Variants in SPDYE5 observed in about 807,000 individuals in gnomAD.
SPDYE5 encodes speedy/RINGO cell cycle regulator family member E5.
Under a neutral mutation model 48.5 loss-of-function variants are expected in SPDYE5, and 15 were observed. The observed-to-expected ratio is 0.31, with a 90% CI of 0.21 to 0.48. The LOEUF (loss-of-function observed/expected upper bound fraction) is 0.48. Among genes scored for constraint, SPDYE5 ranks in the 20% least tolerant of loss-of-function variants. The pLI, the probability that SPDYE5 is intolerant of heterozygous loss-of-function variation, is 0.99. For synonymous variants in SPDYE5, 116 were observed against 200.7 expected (o/e 0.58, Z 3.57); for missense variants, 331 against 549.1 (o/e 0.60, Z 3.97).
chr7:75,493,591 T>A, intron 1 of SPDYE5, 36 bp from the exon 2 acceptor site: 1 of 1,137,798 alleles, frequency 8.8e-7, no homozygotes, highest in East Asian at 3.5e-5. Context: ...CTGCTTACCC[T>A]AGTTTTCTTT....
Position 75,501,380 on chromosome 7 carries a change from G to A in SPDYE5, c.774G>A (p.Met258Ile). Residue 258 changes from methionine to isoleucine, a missense_variant, in exon 7 of 9, where the codon ATG becomes ATA. Transcript: ENST00000625065. ...FFLALYLAND[M>I]EEDDEDSKQN... Reference sequence around the variant, plus strand: ...TCCTCAGCTACCTGGCCAATGACATGGAGGAGGACGACGAGGACTCCAAAC... The same window carrying A: ...TCCTCAGCTACCTGGCCAATGACATAGAGGAGGACGACGAGGACTCCAAAC... 2 of 1,612,272 alleles carry A rather than the reference G, an allele frequency of 1.2e-6. No individual in the cohort carries two copies. The highest frequency in any genetic ancestry group is 1.7e-6 in the Non-Finnish European group (2 of 1,179,914).
In SPDYE5 at chr7:75,503,016, G is replaced by T; in HGVS notation, c.*229G>T. On this transcript the variant is annotated 3_prime_UTR_variant, in exon 9 of 9. Coordinates refer to ENST00000625065, the MANE Select transcript of SPDYE5 (RefSeq NM_001306141.4). ...TAGGAGCAGGGGTGGGGGGAGGGGG[G>T]TGGGGTCCTTCTAGGAGTCCTTGGA... 1 of 431,576 alleles carries T rather than the reference G, an allele frequency of 2.3e-6. No individual in the cohort carries two copies. Among genetic ancestry groups the T allele is most frequent in the South Asian group, 1.5e-5 (1 of 64,680 alleles). The allele number at this position is 431,576 out of a possible 1,614,324, so 26.7% of individuals were successfully genotyped here. A position where few individuals can be genotyped will look rare whatever the true frequency, so the allele number is the denominator to read the frequency against.
Position 75,494,052 on chromosome 7 carries a change from A to T in SPDYE5, c.5A>T (p.Asp2Val), listed in dbSNP as rs1554482090. 1.3e-6 allele frequency: 2 copies of T among 1,531,222 alleles called. No individual in the cohort carries two copies. Among genetic ancestry groups the T allele is most frequent in the Admixed American group, 4.0e-5 (2 of 50,432 alleles). 94.9% of individuals were successfully genotyped at this position (1,531,222 alleles called of 1,614,324 possible). Residue 2 changes from aspartate to valine, a missense_variant, in exon 2 of 9, where the codon GAC becomes GTC. By Grantham distance (152) the Asp-to-Val change is radical. Coordinates refer to ENST00000625065, the MANE Select transcript of SPDYE5 (RefSeq NM_001306141.4). ...AGCAGTGATCAGAAGAAGGCCATGG[A>T]CAGAACGGAGACTAGGTTCCGTAAG... M[D>V]RTETRFRKRG...
chr7:75,504,247 GAAC>G lies in SPDYE5; in HGVS notation c.*1463_*1465del, dbSNP rs1213202018. The G allele has an allele frequency of 1.3e-5, 2 of 151,846 alleles. No homozygotes were observed. The highest frequency in any genetic ancestry group is 2.9e-5 in the Non-Finnish European group (2 of 67,974). 9.4% of individuals were successfully genotyped at this position (151,846 alleles called of 1,614,324 possible). On this transcript the variant is annotated 3_prime_UTR_variant, in exon 9 of 9. Transcript: ENST00000625065. ...GGACATGAGCTGTGTGTTTTCAAGA[GAAC>G]AATAGAGTGCGTCTCTTGGGGAAAC...
intron 8 of SPDYE5, among the ~76,000 whole-genome samples, chr7:75,502,365 G>C (rs1199076874): frequency 2.6e-5 from 4 of 151,912 alleles, no homozygotes; most frequent in Non-Finnish European, 2.9e-5. Flanking sequence ...TTTACATCTT[G>C]TGCAGCTAAC....
intron 6 of SPDYE5, among the ~76,000 whole-genome samples, chr7:75,499,849 A>G (rs1411571083): frequency 7.0e-4 from 95 of 135,530 alleles, no homozygotes; most frequent in African/African-American, 2.3e-3. Flanking sequence ...AACAAAAGGA[A>G]CCATAAACCG....
intron 5 of SPDYE5, among the ~76,000 whole-genome samples, chr7:75,498,370 T>C (rs3973238): frequency 3.3e-5 from 5 of 151,770 alleles, no homozygotes; most frequent in South Asian, 2.1e-4. Context: ...GCGATCCACC[T>C]GCCTTGGCCT....
chr7:75,496,088 G>A (rs1554482493), intron 3 of SPDYE5, among the ~76,000 whole-genome samples: 7 of 150,376 alleles, frequency 4.7e-5, no homozygotes, highest in Non-Finnish European at 1.5e-5. Context: ...GGGTGTGTGG[G>A]AAGAATGGAG....
Position 75,502,000 on chromosome 7 carries a change from G to C in SPDYE5, c.*45+18G>C. ...GAGAGAAGGTACATCTGCATCCTCC[G>C]GGGTAAAGGCAGAATATTGGGGTCT... On this transcript the variant is annotated intron_variant, in intron 8 of 8. Coordinates refer to ENST00000625065, the MANE Select transcript of SPDYE5 (RefSeq NM_001306141.4). The C allele has an allele frequency of 6.6e-7, 1 of 1,509,178 alleles. No homozygotes were observed. Among genetic ancestry groups the C allele is most frequent in the Non-Finnish European group, 9.0e-7 (1 of 1,113,050 alleles). The allele number at this position is 1,509,178 out of a possible 1,614,324, so 93.5% of individuals were successfully genotyped here.
intron 3 of SPDYE5, among the ~76,000 whole-genome samples, chr7:75,495,910 A>G (rs1485222437): frequency 6.6e-6 from 1 of 151,698 alleles, no homozygotes. Flanking sequence ...CATGCCTGTT[A>G]TCCCAGCTAC....
Position 75,493,695 on chromosome 7 carries a change from G to A in SPDYE5, c.-353G>A, listed in dbSNP as rs1407984031. The stretch of plus-strand genomic sequence containing the variant: ...ACATGCTTCAGGCTTTGAGTGGAGA[G>A]GACACAGCCTCTGCTGGGACAGGGA... On this transcript the variant is annotated 5_prime_UTR_variant, in exon 2 of 9. Transcript: ENST00000625065. 2.7e-5 allele frequency: 38 copies of A among 1,385,652 alleles called. No homozygotes were observed. Among genetic ancestry groups the A allele is most frequent in the Admixed American group, 1.3e-4 (4 of 30,796 alleles). The allele number at this position is 1,385,652 out of a possible 1,614,324, so 85.8% of individuals were successfully genotyped here.
At chr7:75,502,104 A>G (rs1356601529) in intron 8 of SPDYE5, 122 bp downstream of exon 8, 2 of 1,112,708 alleles carry the variant, frequency 1.8e-6, no homozygotes, top group Non-Finnish European at 2.5e-6. Flanking sequence ...TCTCCACAAA[A>G]ATACAAAAAT....
At chr7:75,502,065 T>C (rs1484646587) in intron 8 of SPDYE5, 83 bp downstream of exon 8, 1 of 1,466,040 alleles carries the variant, frequency 6.8e-7, no homozygotes, top group Admixed American at 2.1e-5. Flanking sequence ...TGATCCGGCT[T>C]CAAGCCTGGG....
chr7:75,501,327 G>A (rs1329332749), intron 6 of SPDYE5, 35 bp from the exon 7 acceptor site: 2 of 1,611,908 alleles, frequency 1.2e-6, no homozygotes, highest in African/African-American at 2.7e-5. Context: ...TCTCTTGGTG[G>A]TGCCCCTGAG....
At chr7:75,499,776 A>C (rs1793076217) in intron 6 of SPDYE5, among the ~76,000 whole-genome samples, 3 of 142,106 alleles carry the variant, frequency 2.1e-5, no homozygotes, top group South Asian at 2.2e-4. Context: ...CAAAAAAAAA[A>C]AAAAAAAAAA....
intron 8 of SPDYE5, among the ~76,000 whole-genome samples, chr7:75,502,606 T>C (rs1554483761): frequency 6.7e-6 from 1 of 149,796 alleles, no homozygotes. Flanking sequence ...ATGAAGCAGA[T>C]CACTGGGGCT....
intron 1 of SPDYE5, among the ~76,000 whole-genome samples, 192 bp downstream of exon 1, chr7:75,492,633 T>A (rs1448147081): frequency 5.3e-5 from 8 of 152,066 alleles, no homozygotes; most frequent in Admixed American, 2.6e-4. Context: ...GAGATGGGGT[T>A]TCACCATGTT....
Position 75,501,365 on chromosome 7 carries a change from C to T in SPDYE5, c.759C>T (p.Tyr253=), listed in dbSNP as rs782546068. 124 of 1,612,238 alleles carry T rather than the reference C, an allele frequency of 7.7e-5. 1 individual carries two copies. In the Middle Eastern group the frequency reaches 1.7e-3, roughly 23 times the overall value. Reference sequence around the variant, plus strand: ...GCAACCTGATTTCTGTCCTCAGCTACCTGGCCAATGACATGGAGGAGGACG... The same window carrying T: ...GCAACCTGATTTCTGTCCTCAGCTATCTGGCCAATGACATGGAGGAGGACG... ...YQRIHFFLAL[Y]LANDMEEDDE... is the part of the protein sequence containing the mutation. The change falls in exon 7 of 9, where the codon TAC becomes TAT. Residue 253 remains tyrosine, a synonymous_variant. Coordinates refer to ENST00000625065, the MANE Select transcript of SPDYE5 (RefSeq NM_001306141.4).
Position 75,503,167 on chromosome 7 carries a change from T to C in SPDYE5, c.*380T>C, listed in dbSNP as rs587694062. On this transcript the variant is annotated 3_prime_UTR_variant, in exon 9 of 9. Coordinates refer to ENST00000625065, the MANE Select transcript of SPDYE5 (RefSeq NM_001306141.4). ...GAGGTCCTGTTTCTTATGGACTTGG[T>C]TACCACAGTCCAGAAGCATTTGAAG... is the stretch of plus-strand genomic sequence containing the variant. 3.9e-4 allele frequency: 161 copies of C among 416,786 alleles called. 1 individual carries two copies. Among genetic ancestry groups the C allele is most frequent in the South Asian group, 1.8e-3 (99 of 55,876 alleles). 25.8% of individuals were successfully genotyped at this position (416,786 alleles called of 1,614,324 possible).
Sources: allele counts gnomAD v4.1 joint callset (sites outside exome capture counted in the v4.1 genomes callset), GRCh38; gene constraint gnomAD v4.1.1; transcripts MANE v1.5; gene names NCBI Gene and HGNC (gene_info 2026-07-23, HGNC 2026-07-21).